HDAC8: variants seen among roughly 807,000 people sequenced by gnomAD.
HDAC8 encodes histone deacetylase-like 1.
Under a neutral mutation model 32.2 loss-of-function variants are expected in HDAC8, and 1 was observed. That is an observed-to-expected ratio of 0.03 (90% confidence interval 0.01 to 0.15). HDAC8 has a LOEUF of 0.15. Ranked by LOEUF, HDAC8 falls within the 10% of genes least tolerant of loss-of-function variation. The pLI is 1.00. For missense variants in HDAC8, 117 were observed against 300.0 expected (o/e 0.39, Z 4.51); for synonymous variants, 108 against 113.9 (o/e 0.95, Z 0.33).
intron 9 of HDAC8, among the ~76,000 whole-genome samples, chrX:72,401,381 C>T (rs978909310): frequency 9.0e-6 from 1 of 111,590 alleles, no homozygotes; most frequent in Non-Finnish European, 1.9e-5. Context: ...ACTACAGGTG[C>T]ACACCACCAT....
At chrX:72,403,763 G>T (rs1193633421) in intron 9 of HDAC8, among the ~76,000 whole-genome samples, 2 of 111,703 alleles carry the variant, frequency 1.8e-5, no homozygotes, top group East Asian at 5.6e-4. Flanking sequence ...AGAGATGGAG[G>T]TTGCAGTGAG....
intron 4 of HDAC8, among the ~76,000 whole-genome samples, chrX:72,559,648 TC>T (rs2051442787): frequency 1.0e-5 from 1 of 100,040 alleles, no homozygotes; most frequent in African/African-American, 3.8e-5. Flanking sequence ...CGGCCGCCCA[TC>T]GTCTGAGATG....
chrX:72,525,131 G>A (rs1179053471), intron 4 of HDAC8, among the ~76,000 whole-genome samples: 17 of 112,227 alleles, frequency 1.5e-4, no homozygotes, highest in Admixed American at 3.7e-4. Context: ...TGTCTTGCCC[G>A]CCACTCACCT....
At chrX:72,531,362 T>C (rs1336967559) in intron 4 of HDAC8, among the ~76,000 whole-genome samples, 1 of 111,963 alleles carries the variant, frequency 8.9e-6, no homozygotes, top group Non-Finnish European at 1.9e-5. Context: ...TTGAGCCAAC[T>C]TCTCAGTTTC....
chrX:72,405,620 C>T (rs1478606263), intron 9 of HDAC8, among the ~76,000 whole-genome samples: 1 of 112,199 alleles, frequency 8.9e-6, no homozygotes, highest in Non-Finnish European at 1.9e-5. Context: ...AACCTCACCA[C>T]CATCTGTTAA....
At position 72,431,483 on chromosome X, in the gene HDAC8, T is replaced by C. The variant is rs141694968; in HGVS notation, c.1005+30521A>G. Among the ~76,000 whole-genome samples, 866 of 111,835 alleles carry C rather than the reference T, an allele frequency of 7.7e-3. 8 individuals carry two copies. The highest frequency in any genetic ancestry group is 0.013 in the Non-Finnish European group (666 of 53,162). ...TTAGGACAGTTCCACTTTTTTGTTATCATAAACAAGGCTAAGGTGAACATT... is the reference window on the plus strand; with the variant it reads ...TTAGGACAGTTCCACTTTTTTGTTACCATAAACAAGGCTAAGGTGAACATT... On this transcript the variant is annotated intron_variant, in intron 9 of 10. Coordinates refer to ENST00000373573, the MANE Select transcript of HDAC8 (RefSeq NM_018486.3).
chrX:72,563,274 G>A (rs2051648978), intron 4 of HDAC8, among the ~76,000 whole-genome samples: 1 of 111,721 alleles, frequency 9.0e-6, no homozygotes, highest in East Asian at 2.8e-4. Flanking sequence ...CATAAGGCTG[G>A]GCATGGTGGC....
At chrX:72,535,812 C>T (rs1247245837) in intron 4 of HDAC8, among the ~76,000 whole-genome samples, 1 of 111,634 alleles carries the variant, frequency 9.0e-6, no homozygotes, top group Non-Finnish European at 1.9e-5. Context: ...ATACTCTATC[C>T]AAAATCCCTG....
chrX:72,480,004 A>T (rs2048448364), intron 7 of HDAC8, among the ~76,000 whole-genome samples: 1 of 112,367 alleles, frequency 8.9e-6, no homozygotes, highest in African/African-American at 3.2e-5. Flanking sequence ...TAGGAACAAT[A>T]AATGAATGGC....
chrX:72,425,056 G>C (rs2046598736), intron 9 of HDAC8, among the ~76,000 whole-genome samples: 1 of 111,114 alleles, frequency 9.0e-6, no homozygotes, highest in South Asian at 3.8e-4. Context: ...TGATTCTTTT[G>C]GCTATATATC....
At chrX:72,439,805 A>C (rs1475265522) in intron 9 of HDAC8, among the ~76,000 whole-genome samples, 2 of 111,628 alleles carry the variant, frequency 1.8e-5, no homozygotes, top group Non-Finnish European at 3.8e-5. Flanking sequence ...CCAATACAGG[A>C]GCACCCAGAT....
intron 7 of HDAC8, chrX:72,467,409 T>C (rs1428554653): frequency 9.0e-6 from 1 of 111,516 alleles, no homozygotes; most frequent in East Asian, 2.8e-4. Flanking sequence ...CAATAAAAGT[T>C]TTTTTAAAAG....
At chrX:72,551,183 A>T (rs2051058702) in intron 4 of HDAC8, among the ~76,000 whole-genome samples, 1 of 111,256 alleles carries the variant, frequency 9.0e-6, no homozygotes, top group African/African-American at 3.3e-5. Flanking sequence ...TAATGATTTT[A>T]AAAGTGGTTC....
chrX:72,409,227 ACTC>A (rs1446708020), intron 9 of HDAC8, among the ~76,000 whole-genome samples: 1 of 110,954 alleles, frequency 9.0e-6, no homozygotes, highest in Non-Finnish European at 1.9e-5. Flanking sequence ...GTCTAATTAG[ACTC>A]CTAACACTGA....
intron 9 of HDAC8, among the ~76,000 whole-genome samples, chrX:72,450,950 G>C (rs1555987206): frequency 9.0e-6 from 1 of 111,497 alleles, no homozygotes; most frequent in African/African-American, 3.3e-5. Flanking sequence ...GTCCTGATAT[G>C]ATGTTCAAAG....
At chrX:72,362,503 C>A in intron 9 of HDAC8, among the ~76,000 whole-genome samples, 1 of 112,018 alleles carries the variant, frequency 8.9e-6, no homozygotes, top group Non-Finnish European at 1.9e-5. Context: ...AGCTGTGTGA[C>A]CTTAGGCAAG....
intron 4 of HDAC8, among the ~76,000 whole-genome samples, chrX:72,560,656 C>T (rs1480898172): frequency 1.8e-5 from 2 of 108,885 alleles, no homozygotes; most frequent in South Asian, 4.1e-4. Context: ...CAGTATTTCG[C>T]CATTATGAAT....
At chrX:72,456,541 G>A (rs1337923927) in intron 9 of HDAC8, among the ~76,000 whole-genome samples, 6 of 111,823 alleles carry the variant, frequency 5.4e-5, no homozygotes, top group African/African-American at 1.6e-4. Context: ...GCTCACACCT[G>A]TAATCCCAGC....
Position 72,397,936 on chromosome X carries a change from G to A in HDAC8, c.1006-46098C>T, listed in dbSNP as rs138660622. Reference sequence around the variant, plus strand: ...AATGTTGCTATAAACTTTCTTTATAGTACACCTGTGCAAGTTTCTCAAGTC... The same window carrying A: ...AATGTTGCTATAAACTTTCTTTATAATACACCTGTGCAAGTTTCTCAAGTC... On this transcript the variant is annotated intron_variant, in intron 9 of 10. Transcript: ENST00000373573. Among the ~76,000 whole-genome samples, 1,075 of 111,620 alleles carry A rather than the reference G, an allele frequency of 9.6e-3. 16 individuals are homozygous for A. The highest frequency in any genetic ancestry group is 0.033 in the African/African-American group (1,016 of 30,762).
Sources: allele counts gnomAD v4.1 joint callset (sites outside exome capture counted in the v4.1 genomes callset), GRCh38; gene constraint gnomAD v4.1.1; transcripts MANE v1.5; gene names NCBI Gene and HGNC (gene_info 2026-07-23, HGNC 2026-07-21).